NPIPB11: variants seen among roughly 807,000 people sequenced by gnomAD.
NPIPB11 encodes the protein nuclear pore complex interacting protein family member B11.
NPIPB11 carries 17 observed loss-of-function variants against 32.8 expected under a neutral mutation model. The observed-to-expected ratio is 0.52, with a 90% CI of 0.35 to 0.78. The LOEUF (loss-of-function observed/expected upper bound fraction) is 0.78. Among genes scored for constraint, NPIPB11 ranks in the 30% least tolerant of loss-of-function variants. The pLI is 0.01. For synonymous variants in NPIPB11, 209 were observed against 398.4 expected (o/e 0.52, Z 5.66); for missense variants, 537 against 1,000.4 (o/e 0.54, Z 6.25).
chr16:29,389,535 G>GTGA (rs1054581021), intron 5 of NPIPB11, among the ~76,000 whole-genome samples: 5 of 150,260 alleles, frequency 3.3e-5, no homozygotes, highest in African/African-American at 1.2e-4. Flanking sequence ...TTAGCTGGGC[G>GTGA]TGATGGTGGG....
intron 3 of NPIPB11, among the ~76,000 whole-genome samples, chr16:29,392,284 A>T (rs1381448167): frequency 2.0e-5 from 3 of 152,120 alleles, no homozygotes; most frequent in African/African-American, 4.8e-5. Context: ...CATGGCACCC[A>T]TGATGTCCCT....
At chr16:29,404,718 C>T (rs1028184379), upstream of NPIPB11, among the ~76,000 whole-genome samples, 4 of 151,410 alleles carry the variant, frequency 2.6e-5, no homozygotes, top group African/African-American at 4.9e-5. Flanking sequence ...TTTTCCTCCT[C>T]GCATCCCCAC....
At chr16:29,401,027 G>A (rs969513422) in intron 2 of NPIPB11, among the ~76,000 whole-genome samples, 4 of 152,062 alleles carry the variant, frequency 2.6e-5, no homozygotes, top group African/African-American at 9.7e-5. Context: ...GTCATTGAAT[G>A]GGCACTTGAG....
exon 8 of NPIPB11, chr16:29,382,270 G>A (rs768154030): frequency 6.2e-7 from 1 of 1,604,520 alleles, no homozygotes; most frequent in African/African-American, 1.4e-5. Context: ...GGTGGAAGCG[G>A]AACCCACAGA....
At chr16:29,391,103 C>T (rs1156904609) in intron 3 of NPIPB11, among the ~76,000 whole-genome samples, 1 of 148,952 alleles carries the variant, frequency 6.7e-6, no homozygotes, top group African/African-American at 2.5e-5. Flanking sequence ...CCCGTCTCTA[C>T]TAAAAATACA....
chr16:29,391,023 C>T (rs1400891538), intron 3 of NPIPB11, among the ~76,000 whole-genome samples: 2 of 149,668 alleles, frequency 1.3e-5, no homozygotes, highest in Admixed American at 1.3e-4. Context: ...AATCCCAACA[C>T]TTTGGGAGGC....
rs1473006955 is a variant in NPIPB11 at position 29,390,521 on chromosome 16, C to T, written c.250-173G>A. Among the ~76,000 whole-genome samples, 15 of 151,440 alleles carry T rather than the reference C, an allele frequency of 9.9e-5. 1 individual carries two copies. Among genetic ancestry groups the T allele is most frequent in the African/African-American group, 1.7e-4 (7 of 41,116 alleles). Reference sequence around the variant, plus strand: ...TACAAAAATTAGCCGGGCATGGCAGCGGGCGCCTGTAATCCAAGCTACTCG... The same window carrying T: ...TACAAAAATTAGCCGGGCATGGCAGTGGGCGCCTGTAATCCAAGCTACTCG... On this transcript the variant is annotated intron_variant, in intron 3 of 7. Transcript: ENST00000524087.
Position 29,394,473 on chromosome 16 carries a change from C to T in NPIPB11, c.121-397G>A, listed in dbSNP as rs546203018. ...GAGACAGAGTTCCGCTCCACTCAGT[C>T]GCCCAGGCTGGAGTGAAGTGGTGCA... On this transcript the variant is annotated intron_variant, in intron 2 of 7. Coordinates refer to ENST00000524087, the Ensembl canonical transcript of NPIPB11. Among the ~76,000 whole-genome samples, 10 of 149,700 alleles carry T rather than the reference C, an allele frequency of 6.7e-5. 1 individual carries two copies. The highest frequency in any genetic ancestry group is 2.2e-4 in the African/African-American group (9 of 40,774).
chr16:29,395,888 G>A (rs1363333701), intron 2 of NPIPB11, among the ~76,000 whole-genome samples: 1 of 150,828 alleles, frequency 6.6e-6, no homozygotes, highest in Non-Finnish European at 1.5e-5. Context: ...TGAGGCAGAA[G>A]AATCACTTGA....
At chr16:29,382,976 G>A in exon 8 of NPIPB11, 2 of 1,591,260 alleles carry the variant, frequency 1.3e-6, no homozygotes, top group South Asian at 1.1e-5. Context: ...GCTGAGGGTG[G>A]AAGGGGAGTG....
In NPIPB11 at chr16:29,389,963, T is replaced by C. The variant is rs749181449; in HGVS notation, c.523A>G (p.Lys175Glu). The C allele has an allele frequency of 5.7e-6, 9 of 1,588,446 alleles. No individual in the cohort carries two copies. The South Asian group carries it at 7.8e-5, about 14-fold the overall frequency. The change falls in exon 5 of 8, where the codon AAG (lysine) becomes GAG (glutamate). Residue 175 changes from lysine to glutamate, a missense_variant. Transcript: ENST00000524087. ...TACTGTTTTCTGGCGGTCTTCCTCT[T>C]TCCATTGATTTTGTCATGACGGTTG...
At chr16:29,404,756 C>T (rs1010837870), upstream of NPIPB11, among the ~76,000 whole-genome samples, 1 of 149,366 alleles carries the variant, frequency 6.7e-6, no homozygotes, top group Admixed American at 6.7e-5. Context: ...CCGGACACAG[C>T]TGGGTGATGC....
At chr16:29,382,250 A>T (rs768112815) in exon 8 of NPIPB11, 1 of 1,598,948 alleles carries the variant, frequency 6.3e-7, no homozygotes, top group African/African-American at 1.4e-5. Flanking sequence ...TGAGATTATC[A>T]TCCGCTGAGG....
chr16:29,404,900 T>G (rs1964079544), upstream of NPIPB11, among the ~76,000 whole-genome samples: 1 of 142,678 alleles, frequency 7.0e-6, no homozygotes, highest in South Asian at 2.4e-4. Context: ...GGGCCACATT[T>G]TCCCTTGGCA....
upstream of NPIPB11, among the ~76,000 whole-genome samples, chr16:29,406,199 G>A (rs984701252): frequency 2.0e-5 from 3 of 152,256 alleles, no homozygotes; most frequent in African/African-American, 7.2e-5. Flanking sequence ...GGTATTAAGT[G>A]ATTCGATTTA....
chr16:29,387,402 ACTC>A (rs1596673274), intron 5 of NPIPB11, among the ~76,000 whole-genome samples: 2 of 145,136 alleles, frequency 1.4e-5, no homozygotes, highest in East Asian at 2.0e-4. Flanking sequence ...TCCTCATCTG[ACTC>A]CTCCTGTGTG....
At chr16:29,405,639 A>C (rs1291127008), upstream of NPIPB11, among the ~76,000 whole-genome samples, 1 of 152,120 alleles carries the variant, frequency 6.6e-6, no homozygotes, top group Non-Finnish European at 1.5e-5. Context: ...CCTTGCATCC[A>C]ATCAATGCCC....
intron 2 of NPIPB11, 60 bp from the exon 3 acceptor site, chr16:29,394,136 G>C: frequency 1.3e-6 from 2 of 1,566,668 alleles, no homozygotes; most frequent in Non-Finnish European, 1.7e-6. Flanking sequence ...ATTTCACTCA[G>C]AAAGAATCAT....
chr16:29,406,204 G>A (rs1277284178), upstream of NPIPB11, among the ~76,000 whole-genome samples: 6 of 152,206 alleles, frequency 3.9e-5, no homozygotes, highest in Non-Finnish European at 8.8e-5. Flanking sequence ...TAAGTGATTC[G>A]ATTTATTTGG....
Sources: allele counts gnomAD v4.1 joint callset (sites outside exome capture counted in the v4.1 genomes callset), GRCh38; gene constraint gnomAD v4.1.1; transcripts MANE v1.5; gene names NCBI Gene and HGNC (gene_info 2026-07-23, HGNC 2026-07-21).